Variants in ADARB2 observed in about 807,000 individuals in gnomAD.
The protein encoded by ADARB2 is inactive double-stranded RNA-specific editase B2.
ADARB2 carries 25 observed loss-of-function variants against 62.2 expected under a neutral mutation model. That is an observed-to-expected ratio of 0.40 (90% CI 0.29 to 0.56). ADARB2 has a LOEUF of 0.56. ADARB2 is among the 20% of genes least tolerant of loss of function. The pLI is 0.43. For synonymous variants in ADARB2, 572 were observed against 500.8 expected (o/e 1.14, Z -1.90); for missense variants, 1,071 against 1,077.4 (o/e 0.99, Z 0.08).
At chr10:1,440,419 C>T (rs532555004) in intron 1 of ADARB2, among the ~76,000 whole-genome samples, 16 of 131,666 alleles carry the variant, frequency 1.2e-4, no homozygotes, top group East Asian at 8.1e-4. Context: ...TTGCTACAAA[C>T]GCCTTTTTTT....
chr10:1,294,990 G>A (rs892419828), intron 3 of ADARB2, among the ~76,000 whole-genome samples: 1 of 152,244 alleles, frequency 6.6e-6, no homozygotes, highest in African/African-American at 2.4e-5. Context: ...GGAGTGCGGA[G>A]TCACTGGCAG....
rs1832015788 is a variant in ADARB2, at chr10:1,340,674, T to TAACCGGCATCCACCAGAGAACCACAC, written c.1077+22353_1077+22354insGTGTGGTTCTCTGGTGGATGCCGGTT. On this transcript the variant is annotated intron_variant, in intron 3 of 9. Transcript: ENST00000381312. ...AACCGGCATCCACCAGAGAACCACG[T>TAACCGGCATCCACCAGAGAACCACAC]GCCCCACAGTGGCAATAACCGGCAT... is the stretch of plus-strand genomic sequence containing the variant. 3.3e-4 allele frequency among the ~76,000 whole-genome samples: 2 copies of TAACCGGCATCCACCAGAGAACCACAC among 6,086 alleles called. 1 individual carries two copies. The allele number at this position is 6,086 out of a possible 152,430, so 4.0% of individuals were successfully genotyped here. A position where few individuals can be genotyped will look rare whatever the true frequency, so the allele number is the denominator to read the frequency against.
intron 1 of ADARB2, among the ~76,000 whole-genome samples, chr10:1,470,603 GTCT>G (rs1176845340): frequency 6.6e-6 from 1 of 152,214 alleles, no homozygotes; most frequent in Admixed American, 6.5e-5. Flanking sequence ...CATAATTTCA[GTCT>G]TTATTAACTC....
chr10:1,252,432 A>G (rs890500236), intron 4 of ADARB2, among the ~76,000 whole-genome samples: 38 of 152,208 alleles, frequency 2.5e-4, no homozygotes, highest in African/African-American at 8.0e-4. Context: ...ACTCTTCCAC[A>G]GTTTATCAGT....
chr10:1,468,797 A>G (rs77558181), intron 1 of ADARB2, among the ~76,000 whole-genome samples: 4,015 of 152,328 alleles, frequency 0.026, 140 homozygotes, highest in African/African-American at 0.085. Context: ...GCCACGGAAC[A>G]GGTGTGGAGG....
chr10:1,566,613 C>T (rs767831352), intron 1 of ADARB2, among the ~76,000 whole-genome samples: 5 of 151,972 alleles, frequency 3.3e-5, no homozygotes, highest in Admixed American at 2.6e-4. Flanking sequence ...TAGCAGATGG[C>T]AGATTCAATG....
At chr10:1,533,032 T>C (rs1832270257) in intron 1 of ADARB2, among the ~76,000 whole-genome samples, 1 of 151,876 alleles carries the variant, frequency 6.6e-6, no homozygotes, top group Admixed American at 6.6e-5. Flanking sequence ...GCCTCCACCC[T>C]CCTCGAAGCA....
chr10:1,680,749 T>C (rs1027098664), intron 1 of ADARB2, among the ~76,000 whole-genome samples: 4 of 152,230 alleles, frequency 2.6e-5, no homozygotes, highest in African/African-American at 9.6e-5. Flanking sequence ...GGGGAAAATG[T>C]CTGATGCTGG....
rs113397270 is a variant in ADARB2 at position 1,606,567 on chromosome 10, G to A, written c.100+130484C>T. 1.1e-4 allele frequency among the ~76,000 whole-genome samples: 17 copies of A among 152,286 alleles called. No homozygotes were observed. In the East Asian group the frequency reaches 2.7e-3, roughly 24 times the overall value. ...CCATCCCAAGTCCGAAGGAGACCACGAGAGAGCCAGCTAGAGTCCCACAGG... is the reference window on the plus strand; with the variant it reads ...CCATCCCAAGTCCGAAGGAGACCACAAGAGAGCCAGCTAGAGTCCCACAGG... On this transcript the variant is annotated intron_variant, in intron 1 of 9. Coordinates refer to ENST00000381312, the MANE Select transcript of ADARB2 (RefSeq NM_018702.4).
intron 1 of ADARB2, among the ~76,000 whole-genome samples, chr10:1,413,568 C>T (rs889127922): frequency 6.6e-6 from 1 of 152,126 alleles, no homozygotes; most frequent in Non-Finnish European, 1.5e-5. Context: ...ATGAAAGGGT[C>T]CTCCTATCGG....
rs559531139 is a variant in ADARB2 at position 1,180,345 on chromosome 10, GCA to G, written c.*2846_*2847del. ...GAATCCTGGGACCCGGGTCTTCCAG[GCA>G]CACCTGGGGCTGTGGGAATCCTGGG... On this transcript the variant is annotated 3_prime_UTR_variant, in exon 10 of 10. Coordinates refer to ENST00000381312, the MANE Select transcript of ADARB2 (RefSeq NM_018702.4). 6.6e-6 allele frequency: 1 copy of G among 151,598 alleles called. No homozygotes were observed. Among genetic ancestry groups the G allele is most frequent in the African/African-American group, 2.4e-5 (1 of 41,238 alleles). 9.4% of individuals were successfully genotyped at this position (151,598 alleles called of 1,614,324 possible).
intron 1 of ADARB2, among the ~76,000 whole-genome samples, chr10:1,450,713 G>C (rs1670782140): frequency 6.6e-6 from 1 of 152,252 alleles, no homozygotes; most frequent in Non-Finnish European, 1.5e-5. Context: ...TGAGTGGCGA[G>C]GAAGGGAGGT....
intron 6 of ADARB2, among the ~76,000 whole-genome samples, chr10:1,223,823 G>T (rs957099330): frequency 6.6e-6 from 1 of 152,114 alleles, no homozygotes; most frequent in African/African-American, 2.4e-5. Flanking sequence ...GATTCGTTTT[G>T]CCCGTATTTT....
At position 1,183,337 on chromosome 10, in the gene ADARB2, C is replaced by A. The variant is rs552533216; in HGVS notation, c.2076G>T (p.Thr692=). ...LSTRTPSPGD[T]PSMYCEAKLG... ...GCTTGGCCTCACAGTACATGGAGGG[C>A]GTGTCTCCAGGGCTGGGTGTCCGTG... The change falls in exon 10 of 10, where the codon ACG becomes ACT. Residue 692 remains threonine, a synonymous_variant. Transcript: ENST00000381312. 8.1e-6 allele frequency: 13 copies of A among 1,614,068 alleles called. No individual in the cohort carries two copies. In the South Asian group the frequency reaches 1.4e-4, roughly 18 times the overall value.
At chr10:1,689,404 A>T (rs1196745794) in intron 1 of ADARB2, among the ~76,000 whole-genome samples, 1 of 152,168 alleles carries the variant, frequency 6.6e-6, no homozygotes, top group African/African-American at 2.4e-5. Flanking sequence ...TGGTCCTGCC[A>T]ACCTGACTTG....
chr10:1,481,038 A>C (rs1453532322), intron 1 of ADARB2, among the ~76,000 whole-genome samples: 3 of 152,248 alleles, frequency 2.0e-5, no homozygotes, highest in Non-Finnish European at 4.4e-5. Context: ...ACAAAGTTGG[A>C]GAATCCTGAC....
chr10:1,195,451 A>T (rs1836897735), intron 8 of ADARB2, among the ~76,000 whole-genome samples: 1 of 132,814 alleles, frequency 7.5e-6, no homozygotes, highest in South Asian at 2.3e-4. Context: ...AAGTTTTATG[A>T]CTGGCAAACA....
At chr10:1,588,230 C>T (rs779347931) in intron 1 of ADARB2, among the ~76,000 whole-genome samples, 28 of 152,182 alleles carry the variant, frequency 1.8e-4, no homozygotes, top group Admixed American at 3.9e-4. Flanking sequence ...CCCTGAAACA[C>T]TCACCTTAAA....
At chr10:1,294,945 T>A (rs1400626147) in intron 3 of ADARB2, among the ~76,000 whole-genome samples, 3 of 152,200 alleles carry the variant, frequency 2.0e-5, no homozygotes, top group Non-Finnish European at 1.5e-5. Context: ...GGCCAGGATG[T>A]CTCTGTTTGT....
Sources: gnomAD v4.1 joint callset for allele counts (sites outside exome capture counted in the v4.1 genomes callset) on GRCh38, gnomAD v4.1.1 for gene constraint, MANE v1.5 for transcripts, NCBI Gene and HGNC (gene_info 2026-07-23, HGNC 2026-07-21) for gene names.